Variants in PTPRT observed in about 807,000 individuals in gnomAD.
PTPRT encodes the protein protein tyrosine phosphatase receptor type T.
Under a neutral mutation model 176.8 loss-of-function variants are expected in PTPRT, and 56 were observed. That is an observed-to-expected ratio of 0.32 (90% CI 0.26 to 0.40). PTPRT has a LOEUF of 0.40. Ranked by LOEUF, PTPRT falls within the 10% of genes least tolerant of loss-of-function variation. PTPRT has a pLI of 1.00. For synonymous variants in PTPRT, 783 were observed against 739.0 expected (o/e 1.06, Z -0.96); for missense variants, 1,540 against 1,908.2 (o/e 0.81, Z 3.60).
chr20:42,611,638 T>C (rs1406730303), intron 7 of PTPRT, among the ~76,000 whole-genome samples: 1 of 152,210 alleles, frequency 6.6e-6, no homozygotes, highest in Non-Finnish European at 1.5e-5. Context: ...GTGTGACTCA[T>C]TGCTGAGATG....
intron 8 of PTPRT, among the ~76,000 whole-genome samples, chr20:42,450,034 T>C (rs891453827): frequency 2.0e-5 from 3 of 152,254 alleles, no homozygotes; most frequent in African/African-American, 7.2e-5. Flanking sequence ...ACTAAAGAAA[T>C]TGCAGGCTTC....
At chr20:43,022,019 T>C (rs1481864775) in intron 1 of PTPRT, among the ~76,000 whole-genome samples, 2 of 152,136 alleles carry the variant, frequency 1.3e-5, no homozygotes, top group Non-Finnish European at 2.9e-5. Flanking sequence ...TTAAGGATCT[T>C]TCTTGGAAGC....
chr20:42,166,843 C>T (rs1241271538), intron 16 of PTPRT, among the ~76,000 whole-genome samples: 1 of 151,844 alleles, frequency 6.6e-6, no homozygotes, highest in Non-Finnish European at 1.5e-5. Context: ...ATTACTTGAA[C>T]CAGGGAGGTG....
At chr20:42,795,243 GTTA>G (rs1357459428) in intron 2 of PTPRT, among the ~76,000 whole-genome samples, 3 of 151,916 alleles carry the variant, frequency 2.0e-5, no homozygotes, top group Non-Finnish European at 4.4e-5. Flanking sequence ...TTTCCTCATA[GTTA>G]TTATACATAG....
chr20:43,045,681 T>G (rs1986810172), intron 1 of PTPRT, among the ~76,000 whole-genome samples: 1 of 151,160 alleles, frequency 6.6e-6, no homozygotes, highest in African/African-American at 2.4e-5. Context: ...CAGGCTGGTC[T>G]CAAACTCCCG....
chr20:42,807,685 T>C (rs891041562), intron 2 of PTPRT, among the ~76,000 whole-genome samples: 4 of 152,158 alleles, frequency 2.6e-5, no homozygotes, highest in African/African-American at 9.7e-5. Flanking sequence ...ATTCTCTACT[T>C]GTATAGAAAT....
chr20:42,473,327 A>T (rs2145295273), intron 7 of PTPRT, among the ~76,000 whole-genome samples: 1 of 152,280 alleles, frequency 6.6e-6, no homozygotes, highest in Non-Finnish European at 1.5e-5. Context: ...TCTATGTCTA[A>T]TTTTATTAGG....
intron 1 of PTPRT, among the ~76,000 whole-genome samples, chr20:43,134,639 C>G (rs541000376): frequency 6.6e-6 from 1 of 152,338 alleles, no homozygotes; most frequent in Admixed American, 6.5e-5. Context: ...CTATACCCAT[C>G]ATGATGGCCC....
At chr20:42,539,738 GA>G (rs1319709954) in intron 7 of PTPRT, among the ~76,000 whole-genome samples, 21 of 149,468 alleles carry the variant, frequency 1.4e-4, no homozygotes, top group African/African-American at 4.9e-4. Context: ...CAAAATATTA[GA>G]AACCAAGGAA....
intron 7 of PTPRT, among the ~76,000 whole-genome samples, chr20:42,526,882 GCAAAGATTAATGT>G (rs1041080919): frequency 6.6e-6 from 1 of 150,604 alleles, no homozygotes; most frequent in African/African-American, 2.4e-5. Context: ...ATTTTAGCCA[GCAAAGATTAATGT>G]CATAGGATTA....
chr20:42,339,275 G>A (rs1182205397), intron 11 of PTPRT, among the ~76,000 whole-genome samples: 2 of 152,134 alleles, frequency 1.3e-5, no homozygotes, highest in Non-Finnish European at 2.9e-5. Context: ...AACACAACAT[G>A]AATTATTTTG....
intron 16 of PTPRT, among the ~76,000 whole-genome samples, chr20:42,163,037 G>A (rs1408693403): frequency 1.3e-5 from 2 of 152,202 alleles, no homozygotes; most frequent in Non-Finnish European, 2.9e-5. Context: ...TGGGCACACA[G>A]GAATGGTTGG....
intron 9 of PTPRT, 58 bp downstream of exon 9, chr20:42,448,162 G>T: frequency 1.5e-6 from 2 of 1,327,024 alleles, no homozygotes; most frequent in Non-Finnish European, 2.2e-6. Flanking sequence ...ACCAATGTCA[G>T]GCTGAAGTGA....
Position 42,499,656 on chromosome 20 carries a change from T to C in PTPRT, c.1154-27094A>G, listed in dbSNP as rs59611931. On this transcript the variant is annotated intron_variant, in intron 7 of 30. Coordinates refer to ENST00000373187, the MANE Select transcript of PTPRT (RefSeq NM_007050.6). Reference sequence around the variant, plus strand: ...TAGCAAATGATAAAATAGACTACTATCTACATCTTTCATGACATACTTAAA... The same window carrying C: ...TAGCAAATGATAAAATAGACTACTACCTACATCTTTCATGACATACTTAAA... Among the ~76,000 whole-genome samples, 1,319 of 152,284 alleles carry C rather than the reference T, an allele frequency of 8.7e-3. 18 individuals carry two copies. Among genetic ancestry groups the C allele is most frequent in the African/African-American group, 0.031 (1,278 of 41,554 alleles).
chr20:42,042,392 A>G, the PTPRT span, among the ~76,000 whole-genome samples: 12 of 152,344 alleles, frequency 7.9e-5, no homozygotes, highest in East Asian at 2.3e-3. Context: ...TGCTTTTGCC[A>G]GTCACCTGTC....
chr20:42,066,331 T>C, the PTPRT span, among the ~76,000 whole-genome samples: 1 of 152,180 alleles, frequency 6.6e-6, no homozygotes, highest in South Asian at 2.1e-4. Context: ...CATGAGCCAC[T>C]GCGCCTGGCT....
chr20:43,148,240 CAT>C (rs923836828), intron 1 of PTPRT, among the ~76,000 whole-genome samples: 6 of 152,276 alleles, frequency 3.9e-5, no homozygotes, highest in Non-Finnish European at 5.9e-5. Flanking sequence ...CAATTGTTCA[CAT>C]GTCACTGTCC....
At chr20:42,995,884 A>G (rs994083665) in intron 1 of PTPRT, among the ~76,000 whole-genome samples, 2 of 151,848 alleles carry the variant, frequency 1.3e-5, no homozygotes, top group African/African-American at 4.8e-5. Flanking sequence ...TGCAGTGGTC[A>G]TAGCTCACTG....
intron 1 of PTPRT, among the ~76,000 whole-genome samples, chr20:43,041,001 A>G (rs993927736): frequency 3.3e-5 from 5 of 152,240 alleles, no homozygotes; most frequent in Non-Finnish European, 5.9e-5. Context: ...GGAGCGTGTG[A>G]GAAATCAAAT....
Sources: gnomAD v4.1 joint callset for allele counts (sites outside exome capture counted in the v4.1 genomes callset) on GRCh38, gnomAD v4.1.1 for gene constraint, MANE v1.5 for transcripts, NCBI Gene and HGNC (gene_info 2026-07-23, HGNC 2026-07-21) for gene names.